Variants in CIITA observed in about 807,000 individuals in gnomAD.
The protein encoded by CIITA is class II major histocompatibility complex transactivator, also known as MHC class II transactivator.
A neutral mutation model predicts 115.1 loss-of-function variants in CIITA; 72 were observed. The observed-to-expected ratio is 0.63, with a 90% confidence interval of 0.52 to 0.76. The LOEUF (loss-of-function observed/expected upper bound fraction) is 0.76. Among genes scored for constraint, CIITA ranks in the 30% least tolerant of loss-of-function variants. The pLI, the probability that CIITA is intolerant of heterozygous loss-of-function variation, is 0.00. For synonymous variants in CIITA, 763 were observed against 635.6 expected (o/e 1.20, Z -3.02); for missense variants, 1,617 against 1,463.8 (o/e 1.10, Z -1.71).
intron 16 of CIITA, among the ~76,000 whole-genome samples, chr16:10,919,654 C>G (rs560552150): frequency 6.6e-6 from 1 of 152,212 alleles, no homozygotes; most frequent in African/African-American, 2.4e-5. Flanking sequence ...GTCCTATACC[C>G]TCCTGAGCCT....
intron 16 of CIITA, 110 bp from the exon 17 acceptor site, chr16:10,922,057 C>A: frequency 2.1e-6 from 2 of 958,400 alleles, no homozygotes; most frequent in Middle Eastern, 2.1e-4. Flanking sequence ...TGATTCCTTC[C>A]CCCAGGGATA....
At chr16:10,921,299 T>G (rs903593173) in intron 16 of CIITA, among the ~76,000 whole-genome samples, 2 of 152,348 alleles carry the variant, frequency 1.3e-5, no homozygotes, top group East Asian at 3.9e-4. Context: ...GAAGTTGGCA[T>G]CAGTGACACT....
chr16:10,923,095 C>G lies in CIITA; in HGVS notation c.3318-133C>G. The G allele has an allele frequency of 1.3e-6, 1 of 781,106 alleles. No homozygotes were observed. The highest frequency in any genetic ancestry group is 2.3e-6 in the Non-Finnish European group (1 of 441,956). The allele number at this position is 781,106 out of a possible 1,614,324, so 48.4% of individuals were successfully genotyped here. A position where few individuals can be genotyped will look rare whatever the true frequency, so the allele number is the denominator to read the frequency against. On this transcript the variant is annotated intron_variant, in intron 18 of 19. Transcript: ENST00000324288. The surrounding 1 kb of genome is among the most constrained non-coding windows in gnomAD (Gnocchi z 5.2). ...CCTTTTCCCCATGACCCACACCGGT[C>G]GGTATCTTGCCAGGGGAAAAGTCCC...
In CIITA at chr16:10,923,305, C is replaced by T; in HGVS notation, c.*2C>T. 6.2e-7 allele frequency: 1 copy of T among 1,613,206 alleles called. No individual in the cohort carries two copies. The highest frequency in any genetic ancestry group is 8.5e-7 in the Non-Finnish European group (1 of 1,179,600). ...GATTCACGGATCAGCCTGAGATGAT[C>T]CCAGCTGTGCTCTGGACAGGGTAAC... On this transcript the variant is annotated 3_prime_UTR_variant, in exon 19 of 20. Coordinates refer to ENST00000324288, the MANE Select transcript of CIITA (RefSeq NM_000246.4). The surrounding 1 kb of genome is among the most constrained non-coding windows in gnomAD (Gnocchi z 5.2).
intron 13 of CIITA, among the ~76,000 whole-genome samples, 160 bp from the exon 14 acceptor site, chr16:10,915,410 A>C (rs4781021): frequency 0.15 from 22,944 of 152,024 alleles, 2,052 homozygotes; most frequent in Admixed American, 0.27. Flanking sequence ...TTGGGGTCCT[A>C]CGTGGAAGGG....
chr16:10,941,599 T>C lies in CIITA; in HGVS notation n.725T>C. 6.7e-7 allele frequency: 1 copy of C among 1,486,304 alleles called. No individual in the cohort carries two copies. The highest frequency in any genetic ancestry group is 8.9e-7 in the Non-Finnish European group (1 of 1,119,252). The allele number at this position is 1,486,304 out of a possible 1,614,324, so 92.1% of individuals were successfully genotyped here. On this transcript the variant is annotated non_coding_transcript_exon_variant, in exon 2 of 2. Coordinates refer to the CIITA transcript ENST00000573379. This position sits in a 1 kb window ranked among gnomAD's most constrained non-coding sequence, Gnocchi z 6.4. ...TCGGAGGCAGGGGAGGGTCTCCTCC[T>C]GGGGAACCATCCCCGTCCAGATGGT... is the stretch of plus-strand genomic sequence containing the variant.
intron 9 of CIITA, 76 bp downstream of exon 9, chr16:10,903,971 A>T: frequency 1.3e-6 from 2 of 1,594,742 alleles, no homozygotes; most frequent in Non-Finnish European, 1.7e-6. Context: ...CTCAAATAAG[A>T]TCCACAAGCA....
At position 10,907,083 on chromosome 16, in the gene CIITA, G is replaced by T. The variant is rs144646271; in HGVS notation, c.1591G>T (p.Gly531Cys). Residue 531 changes from glycine to cysteine, a missense_variant, in exon 11 of 20, where the codon GGC (glycine) becomes TGC (cysteine). Coordinates refer to ENST00000324288, the MANE Select transcript of CIITA (RefSeq NM_000246.4). This position sits in a 1 kb window ranked among gnomAD's most constrained non-coding sequence, Gnocchi z 5.0. ...EPCSLRGLLA[G>C]LFQKKLLRGC... ...CTGCTCCCTCCGGGGGCTGCTGGCC[G>T]GCCTTTTCCAGAAGAAGCTGCTCCG... 6.2e-7 allele frequency: 1 copy of T among 1,608,080 alleles called. No homozygotes were observed. Among genetic ancestry groups the T allele is most frequent in the African/African-American group, 1.3e-5 (1 of 75,024 alleles).
In CIITA at chr16:10,903,942, GC is replaced by G. The variant is rs754798803; in HGVS notation, c.937+50del. On this transcript the variant is annotated intron_variant, in intron 9 of 19. Transcript: ENST00000324288. Reference sequence around the variant, plus strand: ...GAGAGGTACTAGAAGCAGGATCGAGGCCCTGGGGAAGGAATTGTCTCAAATA... The same window carrying G: ...GAGAGGTACTAGAAGCAGGATCGAGGCCTGGGGAAGGAATTGTCTCAAATA... The G allele has an allele frequency of 6.8e-6, 11 of 1,612,432 alleles. No individual in the cohort carries two copies. In the South Asian group the frequency reaches 1.2e-4, roughly 18 times the overall value.
intron 1 of CIITA, among the ~76,000 whole-genome samples, chr16:10,884,099 C>T (rs1306456381): frequency 6.6e-6 from 1 of 152,196 alleles, no homozygotes; most frequent in Admixed American, 6.5e-5. Context: ...ATGTATATGA[C>T]ATTATAGTAT....
At chr16:10,869,842 G>A (rs539926706) in intron 1 of CIITA, among the ~76,000 whole-genome samples, 10 of 152,180 alleles carry the variant, frequency 6.6e-5, no homozygotes, top group African/African-American at 1.2e-4. Flanking sequence ...TTTGTATTAC[G>A]TGTGTGTTGT....
intron 1 of CIITA, among the ~76,000 whole-genome samples, chr16:10,886,447 G>A (rs75401741): frequency 1.3e-4 from 20 of 152,280 alleles, no homozygotes; most frequent in African/African-American, 4.3e-4. Flanking sequence ...ATCCTCAGAT[G>A]GGTTCTCCTG....
At chr16:10,919,228 C>G (rs1316463543) in intron 16 of CIITA, among the ~76,000 whole-genome samples, 1 of 152,122 alleles carries the variant, frequency 6.6e-6, no homozygotes, top group African/African-American at 2.4e-5. Flanking sequence ...GAGTCTCGCT[C>G]TGTCACCCAG....
intron 1 of CIITA, chr16:10,878,828 C>T (rs1469692210): frequency 4.3e-6 from 1 of 230,858 alleles, no homozygotes; most frequent in Non-Finnish European, 8.6e-6. Context: ...GATGCCACTT[C>T]TGATAAAGCA....
intron 1 of CIITA, among the ~76,000 whole-genome samples, chr16:10,889,245 G>T (rs1013360508): frequency 6.6e-6 from 1 of 152,116 alleles, no homozygotes; most frequent in African/African-American, 2.4e-5. Context: ...CCAATGAAGG[G>T]GCCTTTGAAG....
rs1208913607 is a variant in CIITA, at chr16:10,906,848, C to A, written c.1356C>A (p.Pro452=). Residue 452 remains proline, a synonymous_variant, in exon 11 of 20, where the codon CCC becomes CCA. Coordinates refer to ENST00000324288, the MANE Select transcript of CIITA (RefSeq NM_000246.4). ...LPQYDFVFSV[P]CHCLNRPGDA... ...AGTACGACTTTGTCTTCTCTGTCCCCTGCCATTGCTTGAACCGTCCGGGGG... is the reference window on the plus strand; with the variant it reads ...AGTACGACTTTGTCTTCTCTGTCCCATGCCATTGCTTGAACCGTCCGGGGG... The A allele has an allele frequency of 1.2e-6, 2 of 1,613,424 alleles. No individual in the cohort carries two copies. The highest frequency in any genetic ancestry group is 1.6e-4 in the Middle Eastern group (1 of 6,062).
upstream of CIITA, among the ~76,000 whole-genome samples, chr16:10,875,784 C>A (rs2035792842): frequency 6.6e-6 from 1 of 152,132 alleles, no homozygotes. Context: ...GATCCTCCCA[C>A]TTCAGCCTCC....
At chr16:10,873,889 C>T (rs559372760), upstream of CIITA, among the ~76,000 whole-genome samples, 2 of 152,282 alleles carry the variant, frequency 1.3e-5, no homozygotes, top group African/African-American at 4.8e-5. Flanking sequence ...AGAGAACTGA[C>T]TTTGTCCCAA....
At position 10,907,077 on chromosome 16, in the gene CIITA, C is replaced by T. The variant is rs1274455377; in HGVS notation, c.1585C>T (p.Leu529=). 1 of 1,607,694 alleles carries T rather than the reference C, an allele frequency of 6.2e-7. No individual in the cohort carries two copies. The highest frequency in any genetic ancestry group is 8.5e-7 in the Non-Finnish European group (1 of 1,179,818). ...PAEPCSLRGL[L]AGLFQKKLLR... is the part of the protein sequence containing the mutation. Reference sequence around the variant, plus strand: ...GGAGCCCTGCTCCCTCCGGGGGCTGCTGGCCGGCCTTTTCCAGAAGAAGCT... The same window carrying T: ...GGAGCCCTGCTCCCTCCGGGGGCTGTTGGCCGGCCTTTTCCAGAAGAAGCT... Residue 529 remains leucine, a synonymous_variant, in exon 11 of 20, where the codon CTG becomes TTG. Coordinates refer to ENST00000324288, the MANE Select transcript of CIITA (RefSeq NM_000246.4). The surrounding 1 kb of genome is among the most constrained non-coding windows in gnomAD (Gnocchi z 5.0).
Sources: allele counts gnomAD v4.1 joint callset (sites outside exome capture counted in the v4.1 genomes callset), GRCh38; gene constraint gnomAD v4.1.1; non-coding constraint Gnocchi (gnomAD v3.1); transcripts MANE v1.5; gene names NCBI Gene and HGNC (gene_info 2026-07-23, HGNC 2026-07-21).